JAKMIP1: variants seen among roughly 807,000 people sequenced by gnomAD.
JAKMIP1 encodes the protein janus kinase and microtubule-interacting protein 1.
In JAKMIP1, 33 loss-of-function variants were observed where a neutral mutation model predicts 113.0. The ratio of observed to expected loss-of-function variants is 0.29; its 90% CI spans 0.22 to 0.39. The LOEUF is 0.39. JAKMIP1 is among the 10% of genes least tolerant of loss of function. The probability of loss-of-function intolerance (pLI) is 1.00; values close to 1 mark genes in which losing one functional copy is unlikely to be tolerated. For synonymous variants in JAKMIP1, 480 were observed against 459.9 expected, an observed-to-expected ratio of 1.04 and a Z score of -0.56; for missense variants, 813 against 1,080.5, an observed-to-expected ratio of 0.75 and a Z score of 3.47.
At position 6,185,668 on chromosome 4, in the gene JAKMIP1, C is replaced by A. The variant is rs1355764363; in HGVS notation, c.-148+14585G>T. On this transcript the variant is annotated intron_variant, in intron 1 of 20. Transcript: ENST00000409021. The surrounding 1 kb of genome is among the most constrained non-coding windows in gnomAD (Gnocchi z 5.3). ...GTCTCAAAAAAACAAAAGCCAGACC[C>A]CAGCTGCAGAGTCCCTGATCCAGGA... 1.3e-5 allele frequency among the ~76,000 whole-genome samples: 2 copies of A among 151,992 alleles called. No individual in the cohort carries two copies. The highest frequency in any genetic ancestry group is 2.9e-5 in the Non-Finnish European group (2 of 67,952).
At chr4:6,074,137 TA>T (rs1410144549) in intron 8 of JAKMIP1, among the ~76,000 whole-genome samples, 5 of 152,182 alleles carry the variant, frequency 3.3e-5, no homozygotes, top group African/African-American at 4.8e-5. Context: ...GGAGATCCCA[TA>T]AGGGGACTGT....
Position 6,199,077 on chromosome 4 carries a change from A to T in JAKMIP1, c.-148+1176T>A, listed in dbSNP as rs376589965. On this transcript the variant is annotated intron_variant, in intron 1 of 20. Transcript: ENST00000409021. The surrounding 1 kb of genome is among the most constrained non-coding windows in gnomAD (Gnocchi z 5.6). The stretch of plus-strand genomic sequence containing the variant: ...AGGAAAGCTCAGGAGGGGCAAGGGG[A>T]TCTCCCTGACTACAAGGAGCTGGCC... 6.6e-6 allele frequency among the ~76,000 whole-genome samples: 1 copy of T among 152,370 alleles called. No individual in the cohort carries two copies. The highest frequency in any genetic ancestry group is 2.1e-4 in the South Asian group (1 of 4,830).
Position 6,067,873 on chromosome 4 carries a change from C to CACTCAAGCTCTTCTGCACACACA in JAKMIP1, c.1303-2866_1303-2865insTGTGTGTGCAGAAGAGCTTGAGT, listed in dbSNP as rs1346688419. ...AGGTCACCCCCCTGAGCTCCACGTT[C>CACTCAAGCTCTTCTGCACACACA]CACATTTTTCTGAACAGCCACTGAG... On this transcript the variant is annotated intron_variant, in intron 8 of 20. Transcript: ENST00000409021. The surrounding 1 kb of genome is among the most constrained non-coding windows in gnomAD (Gnocchi z 4.6). Among the ~76,000 whole-genome samples the CACTCAAGCTCTTCTGCACACACA allele has an allele frequency of 6.6e-6, 1 of 152,206 alleles. No individual in the cohort carries two copies.
At chr4:6,101,003 GTCTC>G (rs1156962386) in intron 3 of JAKMIP1, among the ~76,000 whole-genome samples, 2 of 152,022 alleles carry the variant, frequency 1.3e-5, no homozygotes, top group South Asian at 2.1e-4. Context: ...AATTTGCCTT[GTCTC>G]TCTTTTATTA....
rs1717895848 is a variant in JAKMIP1, at chr4:6,065,220, G to A, written c.1303-212C>T. On this transcript the variant is annotated intron_variant, in intron 8 of 20. Transcript: ENST00000409021. This position sits in a 1 kb window ranked among gnomAD's most constrained non-coding sequence, Gnocchi z 5.1. ...TGACCCTAGGGTTTACAGCCTGAGC[G>A]AGCTAGTCTGGCCCTGGTCCTGGCT... 6.6e-6 allele frequency among the ~76,000 whole-genome samples: 1 copy of A among 152,300 alleles called. No homozygotes were observed. The highest frequency in any genetic ancestry group is 1.9e-4 in the East Asian group (1 of 5,178).
chr4:6,098,668 GAGAGAA>G (rs1347345655), intron 3 of JAKMIP1, among the ~76,000 whole-genome samples: 5 of 102,592 alleles, frequency 4.9e-5, no homozygotes, highest in African/African-American at 2.4e-4. Context: ...GGAAGAAAGA[GAGAGAA>G]AGAAAGAAAG....
At position 6,031,065 on chromosome 4, in the gene JAKMIP1, T is replaced by G. The variant is rs1712584022; in HGVS notation, c.2380-1284A>C. ...AAAGACAAAGTCCCTCCCCTTATAGTTCAATTACCGTTCAGACAATAGCAG... is the reference window on the plus strand; with the variant it reads ...AAAGACAAAGTCCCTCCCCTTATAGGTCAATTACCGTTCAGACAATAGCAG... On this transcript the variant is annotated intron_variant, in intron 19 of 20. Coordinates refer to ENST00000409021, the MANE Select transcript of JAKMIP1 (RefSeq NM_001099433.2). This position sits in a 1 kb window ranked among gnomAD's most constrained non-coding sequence, Gnocchi z 4.4. Among the ~76,000 whole-genome samples the G allele has an allele frequency of 6.6e-6, 1 of 152,154 alleles. No individual in the cohort carries two copies. The highest frequency in any genetic ancestry group is 2.1e-4 in the South Asian group (1 of 4,814).
intron 2 of JAKMIP1, among the ~76,000 whole-genome samples, chr4:6,111,644 C>G (rs946634841): frequency 1.3e-5 from 2 of 152,232 alleles, no homozygotes; most frequent in Non-Finnish European, 1.5e-5. Context: ...AGTTAGCGGA[C>G]AAGCTGAGGT....
chr4:6,139,073 CA>C lies in JAKMIP1; in HGVS notation c.-147-26077del, dbSNP rs1560257680. ...CATTAGAAACACACACACACACACA[CA>C]CACACACACATATACACACACACAC... On this transcript the variant is annotated intron_variant, in intron 1 of 20. Coordinates refer to ENST00000409021, the MANE Select transcript of JAKMIP1 (RefSeq NM_001099433.2). The surrounding 1 kb of genome is among the most constrained non-coding windows in gnomAD (Gnocchi z 5.2). 1.4e-5 allele frequency among the ~76,000 whole-genome samples: 2 copies of C among 147,636 alleles called. No individual in the cohort carries two copies. The highest frequency in any genetic ancestry group is 3.0e-5 in the Non-Finnish European group (2 of 67,750).
At chr4:6,073,348 T>C in intron 8 of JAKMIP1, among the ~76,000 whole-genome samples, 1 of 152,120 alleles carries the variant, frequency 6.6e-6, no homozygotes, top group East Asian at 1.9e-4. Context: ...CTCCAACCCC[T>C]GGCAACAGCA....
At chr4:6,098,640 GAAAGAAAGGA>G (rs1222679922) in intron 3 of JAKMIP1, among the ~76,000 whole-genome samples, 1 of 137,018 alleles carries the variant, frequency 7.3e-6, no homozygotes, top group African/African-American at 2.9e-5. Context: ...AGAAAGAAAA[GAAAGAAAGGA>G]AAGGAAAGGA....
At chr4:6,117,376 C>T (rs1308812975) in intron 1 of JAKMIP1, among the ~76,000 whole-genome samples, 2 of 152,134 alleles carry the variant, frequency 1.3e-5, no homozygotes, top group South Asian at 4.2e-4. Flanking sequence ...GCCACAAAAA[C>T]CAACAAGTTT....
intron 8 of JAKMIP1, among the ~76,000 whole-genome samples, chr4:6,066,896 C>T (rs896787834): frequency 6.6e-6 from 1 of 152,076 alleles, no homozygotes; most frequent in East Asian, 1.9e-4. Flanking sequence ...TCCTCCGCTC[C>T]AGGCTTCTGC....
At chr4:6,092,829 C>G (rs1322294398) in intron 3 of JAKMIP1, among the ~76,000 whole-genome samples, 1 of 152,214 alleles carries the variant, frequency 6.6e-6, no homozygotes, top group Non-Finnish European at 1.5e-5. Context: ...CTCGATTCTA[C>G]CTGTGATGCT....
Position 6,040,792 on chromosome 4 carries a change from G to C in JAKMIP1, c.2098-76C>G. The C allele has an allele frequency of 8.7e-7, 1 of 1,151,892 alleles. No individual in the cohort carries two copies. 71.4% of individuals were successfully genotyped at this position (1,151,892 alleles called of 1,614,324 possible). On this transcript the variant is annotated intron_variant, in intron 17 of 20. Coordinates refer to ENST00000409021, the MANE Select transcript of JAKMIP1 (RefSeq NM_001099433.2). The surrounding 1 kb of genome is among the most constrained non-coding windows in gnomAD (Gnocchi z 5.8). ...TGACAGCTTCAGAGCCCGTTTGCTA[G>C]AGAGTGGCAGTCTCACCGAATTGGG... is the stretch of plus-strand genomic sequence containing the variant.
Position 6,193,553 on chromosome 4 carries a change from T to C in JAKMIP1, c.-148+6700A>G, listed in dbSNP as rs57788268. Among the ~76,000 whole-genome samples the C allele has an allele frequency of 0.015, 2,251 of 152,326 alleles. 50 individuals are homozygous for C. The highest frequency in any genetic ancestry group is 0.052 in the African/African-American group (2,149 of 41,574). On this transcript the variant is annotated intron_variant, in intron 1 of 20. Transcript: ENST00000409021. This position sits in a 1 kb window ranked among gnomAD's most constrained non-coding sequence, Gnocchi z 6.4. ...GAGCAGCAAGAATCCAGCATGTTTC[T>C]GCAACCGAAAGAAAGGCAGCCAGGG...
At chr4:6,045,081 A>G (rs1714814220) in intron 16 of JAKMIP1, among the ~76,000 whole-genome samples, 1 of 152,212 alleles carries the variant, frequency 6.6e-6, no homozygotes, top group African/African-American at 2.4e-5. Context: ...ATCCCCTGCA[A>G]CTGGTGGGGC....
In JAKMIP1 at chr4:6,093,283, C is replaced by A. The variant is rs1436568049; in HGVS notation, c.625-7654G>T. On this transcript the variant is annotated intron_variant, in intron 3 of 20. Transcript: ENST00000409021. The surrounding 1 kb of genome is among the most constrained non-coding windows in gnomAD (Gnocchi z 4.6). Reference sequence around the variant, plus strand: ...GTCCTGCTCACACTAGAATAATCTGCTCACACTCCAGTTAACTGTAAGCGC... The same window carrying A: ...GTCCTGCTCACACTAGAATAATCTGATCACACTCCAGTTAACTGTAAGCGC... 6.6e-6 allele frequency among the ~76,000 whole-genome samples: 1 copy of A among 152,188 alleles called. No individual in the cohort carries two copies. Among genetic ancestry groups the A allele is most frequent in the Non-Finnish European group, 1.5e-5 (1 of 68,050 alleles).
At chr4:6,195,238 T>A (rs1727720869) in intron 1 of JAKMIP1, among the ~76,000 whole-genome samples, 1 of 152,210 alleles carries the variant, frequency 6.6e-6, no homozygotes, top group Non-Finnish European at 1.5e-5. Context: ...ATTTGTTTTA[T>A]TCCACAAAAC....
Sources: allele counts gnomAD v4.1 joint callset (sites outside exome capture counted in the v4.1 genomes callset), GRCh38; gene constraint gnomAD v4.1.1; non-coding constraint Gnocchi (gnomAD v3.1); transcripts MANE v1.5; gene names NCBI Gene and HGNC (gene_info 2026-07-23, HGNC 2026-07-21).